NXPE2: variants seen among roughly 807,000 people sequenced by gnomAD.
NXPE2 encodes the protein neurexophilin and PC-esterase domain family member 2.
In NXPE2, 34 loss-of-function variants were observed where a neutral mutation model predicts 34.4. The observed-to-expected ratio is 0.99, with a 90% CI of 0.75 to 1.31. The LOEUF (loss-of-function observed/expected upper bound fraction) is 1.31. Ranked by LOEUF, NXPE2 falls within the 40% of genes most tolerant of loss-of-function variation. The probability of loss-of-function intolerance (pLI) is 0.00; values close to 1 mark genes in which losing one functional copy is unlikely to be tolerated. For missense variants in NXPE2, 649 were observed against 672.5 expected, an observed-to-expected ratio of 0.97 and a Z score of 0.39; for synonymous variants, 235 against 231.3, an observed-to-expected ratio of 1.02 and a Z score of -0.15.
the NXPE2 span, chr11:114,530,904 CA>C: frequency 2.9e-5 from 47 of 1,603,328 alleles, no homozygotes; most frequent in Middle Eastern, 1.7e-4. Context: ...TAGAGCAGAC[CA>C]AAGCTGAAAT....
the NXPE2 span, among the ~76,000 whole-genome samples, chr11:114,538,049 C>A: frequency 6.6e-6 from 1 of 152,248 alleles, no homozygotes; most frequent in East Asian, 1.9e-4. Context: ...CTACAGTAAC[C>A]AAAACAGCAT....
chr11:114,590,828 A>G, the NXPE2 span, among the ~76,000 whole-genome samples: 1 of 152,172 alleles, frequency 6.6e-6, no homozygotes, highest in African/African-American at 2.4e-5. Context: ...TTAACTGTTT[A>G]TGCCCCACAC....
the NXPE2 span, among the ~76,000 whole-genome samples, chr11:114,476,138 A>G: frequency 3.0e-4 from 46 of 152,342 alleles, no homozygotes; most frequent in African/African-American, 9.9e-4. Context: ...TCTGCATATT[A>G]GAATGGTGTA....
At chr11:114,773,569 A>T in the NXPE2 span, among the ~76,000 whole-genome samples, 3 of 151,970 alleles carry the variant, frequency 2.0e-5, no homozygotes. Context: ...TCTTCATGTC[A>T]TCCACTGGTA....
the NXPE2 span, among the ~76,000 whole-genome samples, chr11:114,718,962 C>A: frequency 6.6e-6 from 1 of 152,166 alleles, no homozygotes; most frequent in South Asian, 2.1e-4. Context: ...TAGTCCATCA[C>A]AAACTTAAGT....
chr11:114,497,740 G>A, the NXPE2 span, among the ~76,000 whole-genome samples: 1 of 152,102 alleles, frequency 6.6e-6, no homozygotes, highest in African/African-American at 2.4e-5. Flanking sequence ...ACTGTATTTG[G>A]TAAAATACAG....
At chr11:114,498,047 T>A in the NXPE2 span, among the ~76,000 whole-genome samples, 2 of 152,122 alleles carry the variant, frequency 1.3e-5, no homozygotes, top group Non-Finnish European at 2.9e-5. Flanking sequence ...AAGATGGAAC[T>A]TTTTTCCTGT....
the NXPE2 span, among the ~76,000 whole-genome samples, chr11:114,596,694 A>C: frequency 6.6e-6 from 1 of 152,216 alleles, no homozygotes; most frequent in East Asian, 1.9e-4. Flanking sequence ...AGGAGCCTAT[A>C]ATAAGAAAAA....
At chr11:114,658,809 C>T in the NXPE2 span, among the ~76,000 whole-genome samples, 113,999 of 151,956 alleles carry the variant, frequency 0.75, 44,797 homozygotes, top group East Asian at 0.88. Context: ...CAAAATAACA[C>T]GAACAGAAGA....
the NXPE2 span, among the ~76,000 whole-genome samples, chr11:114,657,736 A>G: frequency 4.6e-5 from 7 of 152,294 alleles, no homozygotes; most frequent in East Asian, 7.7e-4. Context: ...GCTTCCTTGT[A>G]CAAAGAAAAA....
the NXPE2 span, among the ~76,000 whole-genome samples, chr11:114,668,000 T>G: frequency 6.6e-6 from 1 of 151,668 alleles, no homozygotes; most frequent in Non-Finnish European, 1.5e-5. Context: ...ACAAGCACTA[T>G]TTGTAACAGT....
the NXPE2 span, among the ~76,000 whole-genome samples, chr11:114,806,518 A>C: frequency 6.6e-6 from 1 of 152,244 alleles, no homozygotes; most frequent in African/African-American, 2.4e-5. Flanking sequence ...GATGGAGCTG[A>C]AAACCAAGGC....
chr11:114,484,410 C>CT, the NXPE2 span, among the ~76,000 whole-genome samples: 2 of 152,126 alleles, frequency 1.3e-5, no homozygotes, highest in Non-Finnish European at 2.9e-5. Flanking sequence ...CTCCCTCTCT[C>CT]TTTTTCTTTC....
the NXPE2 span, among the ~76,000 whole-genome samples, chr11:114,478,512 TA>T: frequency 6.6e-6 from 1 of 152,226 alleles, no homozygotes; most frequent in African/African-American, 2.4e-5. Flanking sequence ...TTTATATTTT[TA>T]TTTTTTTGGA....
chr11:114,602,097 T>G, the NXPE2 span, among the ~76,000 whole-genome samples: 22 of 96,480 alleles, frequency 2.3e-4, no homozygotes, highest in African/African-American at 9.4e-4. Context: ...ATATATAACA[T>G]ATATTATAAT....
the NXPE2 span, among the ~76,000 whole-genome samples, chr11:114,712,750 C>T: frequency 1.3e-5 from 2 of 152,180 alleles, no homozygotes; most frequent in Admixed American, 6.6e-5. Context: ...GCCATACAAT[C>T]CAACAATCCC....
chr11:114,490,235 T>C, the NXPE2 span, among the ~76,000 whole-genome samples: 10 of 152,212 alleles, frequency 6.6e-5, no homozygotes, highest in Non-Finnish European at 1.3e-4. Flanking sequence ...GAACATTCCA[T>C]GCTCATGGGT....
At chr11:114,786,262 C>G in the NXPE2 span, among the ~76,000 whole-genome samples, 1 of 152,060 alleles carries the variant, frequency 6.6e-6, no homozygotes, top group South Asian at 2.1e-4. Context: ...AATGCGTTTT[C>G]AAATCTCTCA....
the NXPE2 span, among the ~76,000 whole-genome samples, chr11:114,596,321 G>A: frequency 6.6e-6 from 1 of 152,178 alleles, no homozygotes; most frequent in African/African-American, 2.4e-5. Flanking sequence ...TGAAAACAGT[G>A]CTGGAAAGAG....
Sources: allele counts gnomAD v4.1 joint callset (sites outside exome capture counted in the v4.1 genomes callset), GRCh38; gene constraint gnomAD v4.1.1; transcripts MANE v1.5; gene names NCBI Gene and HGNC (gene_info 2026-07-23, HGNC 2026-07-21).